SLC1A1: variants seen among roughly 807,000 people sequenced by gnomAD.
SLC1A1 encodes the protein solute carrier family 1 member 1.
Under a neutral mutation model 53.3 loss-of-function variants are expected in SLC1A1, and 43 were observed. The ratio of observed to expected loss-of-function variants is 0.81; its 90% confidence interval spans 0.63 to 1.04. The LOEUF is 1.04. Among genes scored for constraint, SLC1A1 ranks in the 50% least tolerant of loss-of-function variants. The pLI is 0.00. For missense variants in SLC1A1, 748 were observed against 664.9 expected (o/e 1.12, Z -1.37); for synonymous variants, 307 against 243.2 (o/e 1.26, Z -2.44).
chr9:4,567,648 T>C, intron 5 of SLC1A1, 21 bp from the exon 6 acceptor site: 1 of 1,536,630 alleles, frequency 6.5e-7, no homozygotes, highest in South Asian at 1.1e-5. Flanking sequence ...TTGCTTGTCC[T>C]TGATTTTCTC....
At chr9:4,567,604 A>T in intron 5 of SLC1A1, 65 bp from the exon 6 acceptor site, 1 of 965,302 alleles carries the variant, frequency 1.0e-6, no homozygotes, top group Non-Finnish European at 1.6e-6. Context: ...CCTGTGATTT[A>T]GTCTCAAAAG....
chr9:4,556,648 G>A lies in SLC1A1; in HGVS notation c.233-4801G>A, dbSNP rs1296372910. Among the ~76,000 whole-genome samples the A allele has an allele frequency of 1.3e-5, 2 of 152,176 alleles. No individual in the cohort carries two copies. Among genetic ancestry groups the A allele is most frequent in the East Asian group, 1.9e-4 (1 of 5,192 alleles). ...GACTAAGTTGGGCCTGATCTTCGACGTCAACGCCAGTTAAGAGTCTAATGC... is the reference window on the plus strand; with the variant it reads ...GACTAAGTTGGGCCTGATCTTCGACATCAACGCCAGTTAAGAGTCTAATGC... On this transcript the variant is annotated intron_variant, in intron 2 of 11. Coordinates refer to ENST00000262352, the MANE Select transcript of SLC1A1 (RefSeq NM_004170.6). This position sits in a 1 kb window ranked among gnomAD's most constrained non-coding sequence, Gnocchi z 4.1.
chr9:4,490,644 C>T lies in SLC1A1; in HGVS notation c.-36C>T. The T allele has an allele frequency of 6.3e-7, 1 of 1,588,192 alleles. No homozygotes were observed. Among genetic ancestry groups the T allele is most frequent in the Non-Finnish European group, 8.6e-7 (1 of 1,158,926 alleles). On this transcript the variant is annotated 5_prime_UTR_variant, in exon 1 of 12. Coordinates refer to ENST00000262352, the MANE Select transcript of SLC1A1 (RefSeq NM_004170.6). ...CCCCGGGTCGCCCAGCCCACGCGCG[C>T]ACGGCCGAGCCCAGCGCACAATAGC...
At chr9:4,543,557 T>G (rs1236159010) in intron 1 of SLC1A1, among the ~76,000 whole-genome samples, 1 of 152,184 alleles carries the variant, frequency 6.6e-6, no homozygotes, top group African/African-American at 2.4e-5. Context: ...GGAAAAGCTT[T>G]CAGAGAATGG....
At chr9:4,523,517 A>G (rs1816157970) in intron 1 of SLC1A1, among the ~76,000 whole-genome samples, 1 of 152,218 alleles carries the variant, frequency 6.6e-6, no homozygotes, top group Non-Finnish European at 1.5e-5. Flanking sequence ...TTCTCTACCA[A>G]AATAAATGTC....
At chr9:4,532,587 T>G (rs1470961457) in intron 1 of SLC1A1, among the ~76,000 whole-genome samples, 1 of 152,170 alleles carries the variant, frequency 6.6e-6, no homozygotes, top group Non-Finnish European at 1.5e-5. Flanking sequence ...CTACATCTGA[T>G]TGTTGTACCT....
intron 1 of SLC1A1, among the ~76,000 whole-genome samples, chr9:4,531,163 A>C (rs565572680): frequency 1.3e-5 from 2 of 152,174 alleles, no homozygotes; most frequent in Non-Finnish European, 2.9e-5. Context: ...TGCATTTCCA[A>C]CTGAGATACC....
intron 1 of SLC1A1, among the ~76,000 whole-genome samples, chr9:4,538,714 G>C (rs553623110): frequency 2.6e-5 from 4 of 152,320 alleles, no homozygotes; most frequent in Non-Finnish European, 5.9e-5. Flanking sequence ...TCCAGCATCT[G>C]TGCTTTGAGC....
chr9:4,498,120 CT>C (rs1370045503), intron 1 of SLC1A1, among the ~76,000 whole-genome samples: 14 of 152,242 alleles, frequency 9.2e-5, no homozygotes, highest in African/African-American at 2.9e-4. Context: ...AGCTTTATGA[CT>C]GTATATTCAT....
chr9:4,567,160 G>A (rs551889700), intron 5 of SLC1A1, among the ~76,000 whole-genome samples: 1 of 152,208 alleles, frequency 6.6e-6, no homozygotes, highest in Non-Finnish European at 1.5e-5. Flanking sequence ...TTCAACTGCA[G>A]TCTCACTCAC....
chr9:4,521,281 C>T (rs142948106), intron 1 of SLC1A1, among the ~76,000 whole-genome samples: 1 of 152,248 alleles, frequency 6.6e-6, no homozygotes, highest in African/African-American at 2.4e-5. Flanking sequence ...GTTGTCTCTA[C>T]CAGGTACTAC....
At position 4,583,286 on chromosome 9, in the gene SLC1A1, T is replaced by C; in HGVS notation, c.1328+114T>C. 7.4e-7 allele frequency: 1 copy of C among 1,348,342 alleles called. No homozygotes were observed. The highest frequency in any genetic ancestry group is 1.7e-5 in the Admixed American group (1 of 59,272). The allele number at this position is 1,348,342 out of a possible 1,614,324, so 83.5% of individuals were successfully genotyped here. A position where few individuals can be genotyped will look rare whatever the true frequency, so the allele number is the denominator to read the frequency against. ...TCAGATTGCCTAATGAGCCACCTGT[T>C]GCTGCTTTAATTTTCCTCTGACCAG... On this transcript the variant is annotated intron_variant, in intron 11 of 11. Transcript: ENST00000262352. The surrounding 1 kb of genome is among the most constrained non-coding windows in gnomAD (Gnocchi z 4.6).
At chr9:4,578,049 G>A (rs181257808) in intron 10 of SLC1A1, among the ~76,000 whole-genome samples, 1 of 152,338 alleles carries the variant, frequency 6.6e-6, no homozygotes, top group Admixed American at 6.5e-5. Flanking sequence ...TGTAAGAGAA[G>A]CACATATAGG....
intron 9 of SLC1A1, 128 bp downstream of exon 9, chr9:4,576,251 C>T (rs768823537): frequency 7.3e-5 from 66 of 900,270 alleles, no homozygotes; most frequent in Non-Finnish European, 1.0e-4. Flanking sequence ...TCCGTATTCT[C>T]GGCCCCTGGC....
chr9:4,544,460 T>G (rs1294773378), intron 1 of SLC1A1, 107 bp from the exon 2 acceptor site: 2 of 954,622 alleles, frequency 2.1e-6, no homozygotes, highest in Non-Finnish European at 3.4e-6. Flanking sequence ...TCTAAACTAT[T>G]TTTCTTGCCA....
intron 3 of SLC1A1, among the ~76,000 whole-genome samples, chr9:4,563,787 T>TC (rs1226483666): frequency 6.6e-6 from 1 of 152,034 alleles, no homozygotes; most frequent in Non-Finnish European, 1.5e-5. Context: ...TCCCTATAAA[T>TC]CCCATCTATT....
At chr9:4,515,918 C>G (rs1821146784) in intron 1 of SLC1A1, among the ~76,000 whole-genome samples, 1 of 152,210 alleles carries the variant, frequency 6.6e-6, no homozygotes, top group African/African-American at 2.4e-5. Context: ...CCTCCACCCT[C>G]TTCCCAGTTA....
chr9:4,538,547 T>G (rs1230614900), intron 1 of SLC1A1, among the ~76,000 whole-genome samples: 2 of 152,162 alleles, frequency 1.3e-5, no homozygotes, highest in African/African-American at 4.8e-5. Flanking sequence ...TAAGGAAAAA[T>G]AGAAACAATA....
chr9:4,574,140 G>T, intron 8 of SLC1A1, 126 bp downstream of exon 8: 1 of 744,238 alleles, frequency 1.3e-6, no homozygotes, highest in Non-Finnish European at 2.4e-6. Flanking sequence ...AGGGTTCAGA[G>T]ATAAGACAGC....
Sources: allele counts gnomAD v4.1 joint callset (sites outside exome capture counted in the v4.1 genomes callset), GRCh38; gene constraint gnomAD v4.1.1; non-coding constraint Gnocchi (gnomAD v3.1); transcripts MANE v1.5; gene names NCBI Gene and HGNC (gene_info 2026-07-23, HGNC 2026-07-21).